PHACTR2: variants seen among roughly 807,000 people sequenced by gnomAD.
PHACTR2 encodes phosphatase and actin regulator 2.
In PHACTR2, 30 loss-of-function variants were observed where a neutral mutation model predicts 76.0. The ratio of observed to expected loss-of-function variants is 0.39; its 90% CI spans 0.30 to 0.54. The LOEUF is 0.54. Among genes scored for constraint, PHACTR2 ranks in the 20% least tolerant of loss-of-function variants. The probability of loss-of-function intolerance (pLI) is 0.61; values close to 1 mark genes in which losing one functional copy is unlikely to be tolerated. For missense variants in PHACTR2, 696 were observed against 781.1 expected (o/e 0.89, Z 1.30); for synonymous variants, 292 against 292.5 (o/e 1.00, Z 0.02).
rs1312996954 is a variant in PHACTR2 at position 143,742,385 on chromosome 6, G to A, written c.215-6600G>A. ...TTCAGTTCTCCTCTTGCGGAGGCAA[G>A]GTGGCCACTAGCCACTCTTGCTCAT... On this transcript the variant is annotated intron_variant, in intron 2 of 12. Transcript: ENST00000440869. This position sits in a 1 kb window ranked among gnomAD's most constrained non-coding sequence, Gnocchi z 4.5. Among the ~76,000 whole-genome samples, 3 of 152,194 alleles carry A rather than the reference G, an allele frequency of 2.0e-5. No individual in the cohort carries two copies. Among genetic ancestry groups the A allele is most frequent in the East Asian group, 1.9e-4 (1 of 5,196 alleles).
chr6:143,732,141 A>G (rs1442863542), intron 2 of PHACTR2, among the ~76,000 whole-genome samples: 3 of 152,238 alleles, frequency 2.0e-5, no homozygotes, highest in Non-Finnish European at 4.4e-5. Flanking sequence ...CCTTGTTGAC[A>G]TATAATTGAT....
At chr6:143,790,598 T>C (rs1379765155) in intron 11 of PHACTR2, among the ~76,000 whole-genome samples, 3 of 152,188 alleles carry the variant, frequency 2.0e-5, no homozygotes, top group Non-Finnish European at 2.9e-5. Flanking sequence ...TTCTTTTGGG[T>C]TGTCAATTTT....
In PHACTR2 at chr6:143,783,142, C is replaced by T. The variant is rs766598314; in HGVS notation, c.1646-77C>T. 1.7e-5 allele frequency: 14 copies of T among 800,688 alleles called. No homozygotes were observed. The highest frequency in any genetic ancestry group is 3.0e-5 in the South Asian group (2 of 66,856). 49.6% of individuals were successfully genotyped at this position (800,688 alleles called of 1,614,324 possible). Reference sequence around the variant, plus strand: ...TCATTATTTGTTAGAGTCACATGATCGTGGCCTGATACACTTTTCTGAATA... The same window carrying T: ...TCATTATTTGTTAGAGTCACATGATTGTGGCCTGATACACTTTTCTGAATA... On this transcript the variant is annotated intron_variant, in intron 9 of 12. Coordinates refer to ENST00000440869, the MANE Select transcript of PHACTR2 (RefSeq NM_001100164.2). The surrounding 1 kb of genome is among the most constrained non-coding windows in gnomAD (Gnocchi z 5.2).
chr6:143,709,943 C>T lies in PHACTR2; in HGVS notation c.47-2073C>T, dbSNP rs919891409. Among the ~76,000 whole-genome samples the T allele has an allele frequency of 1.3e-5, 2 of 152,122 alleles. No homozygotes were observed. Among genetic ancestry groups the T allele is most frequent in the African/African-American group, 4.8e-5 (2 of 41,422 alleles). On this transcript the variant is annotated intron_variant, in intron 1 of 12. Coordinates refer to ENST00000440869, the MANE Select transcript of PHACTR2 (RefSeq NM_001100164.2). The surrounding 1 kb of genome is among the most constrained non-coding windows in gnomAD (Gnocchi z 4.4). ...TCCTGCTTGGTCTTCTCTGACACCA[C>T]TCTAGTAGGGGTATTAGGGGTCCTT...
chr6:143,765,753 T>C lies in PHACTR2; in HGVS notation c.1187T>C (p.Leu396Pro). ...GAAGAGCCGACGAACAGAACCACTC[T>C]CTACTCAGGCACTGGCTTAAGTGTT... Reference protein sequence around the residue: ...WAEEPTNRTTLYSGTGLSVNR... With the variant: ...WAEEPTNRTTPYSGTGLSVNR... Residue 396 changes from leucine (L) to proline (P), a missense_variant, in exon 6 of 13, where the codon CTC (leucine) becomes CCC (proline). By Grantham distance (98) the Leu-to-Pro change is moderately conservative. Around this residue, in one of 2 missense-constraint regions of PHACTR2, gnomAD observed 236 missense variants for 330.2 expected, o/e 0.71. Coordinates refer to ENST00000440869, the MANE Select transcript of PHACTR2 (RefSeq NM_001100164.2). This position sits in a 1 kb window ranked among gnomAD's most constrained non-coding sequence, Gnocchi z 4.1. 2 of 1,614,116 alleles carry C rather than the reference T, an allele frequency of 1.2e-6. No individual in the cohort carries two copies. The highest frequency in any genetic ancestry group is 1.7e-6 in the Non-Finnish European group (2 of 1,179,982).
rs1398984774 is a variant in PHACTR2, at chr6:143,562,733, C to T, written c.217+25526C>T. Among the ~76,000 whole-genome samples, 1 of 152,174 alleles carries T rather than the reference C, an allele frequency of 6.6e-6. No individual in the cohort carries two copies. The highest frequency in any genetic ancestry group is 1.5e-5 in the Non-Finnish European group (1 of 68,040). ...CATATCTAAGGCATTGGAAATAGAT[C>T]ATCCACAGTTATTCCTAAAAGGTAA... On this transcript the variant is annotated intron_variant, in intron 1 of 11. Coordinates refer to the PHACTR2 transcript ENST00000367584. The surrounding 1 kb of genome is among the most constrained non-coding windows in gnomAD (Gnocchi z 5.1).
At chr6:143,711,719 T>C in intron 1 of PHACTR2, 1 of 584,226 alleles carries the variant, frequency 1.7e-6, no homozygotes, top group Non-Finnish European at 3.3e-6. Context: ...ATGGGGTTGT[T>C]GCAGATGGAT....
Position 143,794,977 on chromosome 6 carries a change from G to A in PHACTR2, c.1845+6067G>A, listed in dbSNP as rs1320000207. Among the ~76,000 whole-genome samples the A allele has an allele frequency of 6.6e-6, 1 of 152,162 alleles. No individual in the cohort carries two copies. On this transcript the variant is annotated intron_variant, in intron 11 of 12. Transcript: ENST00000440869. The surrounding 1 kb of genome is among the most constrained non-coding windows in gnomAD (Gnocchi z 4.1). ...ATTAATCAATGCCTCTCCTTTCTGT[G>A]AAGGAGGAAGGCCCTTGCTGGTTGT...
rs1180697716 is a variant in PHACTR2, at chr6:143,780,962, G to A, written c.1646-2257G>A. The stretch of plus-strand genomic sequence containing the variant: ...TTAAGGTTTAAACTTGACTCTATGA[G>A]AGATTTTACAATGACTGTTTAATAA... On this transcript the variant is annotated intron_variant, in intron 9 of 12. Transcript: ENST00000440869. The surrounding 1 kb of genome is among the most constrained non-coding windows in gnomAD (Gnocchi z 4.4). 6.6e-6 allele frequency among the ~76,000 whole-genome samples: 1 copy of A among 152,198 alleles called. No homozygotes were observed. Among genetic ancestry groups the A allele is most frequent in the Non-Finnish European group, 1.5e-5 (1 of 68,032 alleles).
rs1394228449 is a variant in PHACTR2, at chr6:143,700,390, A to G, written c.47-11626A>G. On this transcript the variant is annotated intron_variant, in intron 1 of 12. Coordinates refer to ENST00000440869, the MANE Select transcript of PHACTR2 (RefSeq NM_001100164.2). This position sits in a 1 kb window ranked among gnomAD's most constrained non-coding sequence, Gnocchi z 4.1. ...GCCAACATGGTGAAACCGCGTCTCT[A>G]CTAAAAATACAGAAATTAGCAAGGC... 1.3e-5 allele frequency among the ~76,000 whole-genome samples: 2 copies of G among 152,134 alleles called. No homozygotes were observed. The highest frequency in any genetic ancestry group is 2.4e-5 in the African/African-American group (1 of 41,430).
intron 1 of PHACTR2, among the ~76,000 whole-genome samples, chr6:143,586,086 C>T (rs1775626850): frequency 6.6e-6 from 1 of 152,124 alleles, no homozygotes; most frequent in South Asian, 2.1e-4. Context: ...GGAAGTTCAG[C>T]TAATTACCAC....
chr6:143,735,311 AG>A (rs1027329908), intron 2 of PHACTR2, among the ~76,000 whole-genome samples: 7 of 152,260 alleles, frequency 4.6e-5, no homozygotes, highest in African/African-American at 1.7e-4. Context: ...ATTGGAAAGA[AG>A]ACTAGATATT....
chr6:143,537,144 C>G lies in PHACTR2; in HGVS notation c.154C>G (p.Gln52Glu). ...GGACCCGAGCCCCCGCGGCCGCTCA[C>G]AGAGCGACCTCTCGTCGTCCTCGAG... is the stretch of plus-strand genomic sequence containing the variant. The change falls in exon 1 of 12, where the codon CAG (glutamine) becomes GAG (glutamate). Residue 52 changes from glutamine (Q) to glutamate (E), a missense_variant. Transcript: ENST00000367584. The surrounding 1 kb of genome is among the most constrained non-coding windows in gnomAD (Gnocchi z 4.4). The G allele has an allele frequency of 3.0e-6, 1 of 333,038 alleles. No individual in the cohort carries two copies. The highest frequency in any genetic ancestry group is 3.3e-5 in the South Asian group (1 of 30,034). The allele number at this position is 333,038 out of a possible 1,614,324, so 20.6% of individuals were successfully genotyped here.
intron 1 of PHACTR2, among the ~76,000 whole-genome samples, chr6:143,573,356 T>C (rs1461004977): frequency 6.6e-6 from 1 of 152,180 alleles, no homozygotes; most frequent in Non-Finnish European, 1.5e-5. Flanking sequence ...TCGAGATGCA[T>C]GGAGACTTTC....
upstream of PHACTR2, among the ~76,000 whole-genome samples, chr6:143,674,099 T>C (rs1327952372): frequency 1.3e-5 from 2 of 152,206 alleles, no homozygotes; most frequent in Non-Finnish European, 2.9e-5. The surrounding 1 kb of genome is among the most constrained non-coding windows in gnomAD (Gnocchi z 4.9). Context: ...CTCTCAGAAT[T>C]GTTAAAATCT....
At chr6:143,748,684 G>T (rs2076702) in intron 2 of PHACTR2, among the ~76,000 whole-genome samples, 4 of 152,086 alleles carry the variant, frequency 2.6e-5, no homozygotes, top group South Asian at 4.1e-4. Context: ...TAGCTTCAGC[G>T]TGAGAAGCAG....
rs1016298974 is a variant in PHACTR2, at chr6:143,756,447, G to A, written c.454+2535G>A. ...GCCGTGGCTCACGCCTGTAATCCCA[G>A]CACTTTGGGAGGCCGAGGCGGGCGG... is the stretch of plus-strand genomic sequence containing the variant. On this transcript the variant is annotated intron_variant, in intron 4 of 12. Transcript: ENST00000440869. Among the ~76,000 whole-genome samples, 10 of 152,172 alleles carry A rather than the reference G, an allele frequency of 6.6e-5. No individual in the cohort carries two copies. In the South Asian group the frequency reaches 1.0e-3, roughly 16 times the overall value.
chr6:143,550,884 C>T lies in PHACTR2; in HGVS notation c.217+13677C>T, dbSNP rs1246563762. Among the ~76,000 whole-genome samples the T allele has an allele frequency of 1.3e-5, 2 of 151,812 alleles. No individual in the cohort carries two copies. The highest frequency in any genetic ancestry group is 2.9e-5 in the Non-Finnish European group (2 of 67,904). On this transcript the variant is annotated intron_variant, in intron 1 of 11. Coordinates refer to the PHACTR2 transcript ENST00000367584. This position sits in a 1 kb window ranked among gnomAD's most constrained non-coding sequence, Gnocchi z 4.8. ...TGAAACCCCATCTCTAGAAAAAATA[C>T]AAAAATTAGCTGAGTGTGGTGGCAT...
Position 143,550,942 on chromosome 6 carries a change from G to T in PHACTR2, c.217+13735G>T, listed in dbSNP as rs1775086382. Among the ~76,000 whole-genome samples, 1 of 151,986 alleles carries T rather than the reference G, an allele frequency of 6.6e-6. No homozygotes were observed. The highest frequency in any genetic ancestry group is 2.1e-4 in the South Asian group (1 of 4,816). On this transcript the variant is annotated intron_variant, in intron 1 of 11. Transcript: ENST00000367584. This position sits in a 1 kb window ranked among gnomAD's most constrained non-coding sequence, Gnocchi z 4.8. Reference sequence around the variant, plus strand: ...TAGTCCCAGCTACTTGGGAACTGAGGCAGGAGGATCACTTGAGCCTGGGAG... The same window carrying T: ...TAGTCCCAGCTACTTGGGAACTGAGTCAGGAGGATCACTTGAGCCTGGGAG...
Sources: allele counts gnomAD v4.1 joint callset (sites outside exome capture counted in the v4.1 genomes callset), GRCh38; gene constraint gnomAD v4.1.1; regional missense constraint gnomAD v4.1.1; non-coding constraint Gnocchi (gnomAD v3.1); transcripts MANE v1.5; gene names NCBI Gene and HGNC (gene_info 2026-07-23, HGNC 2026-07-21).